Variants in AEBP2 observed in about 807,000 individuals in gnomAD.
The protein encoded by AEBP2 is AE binding protein 2.
AEBP2 carries 10 observed loss-of-function variants against 50.8 expected under a neutral mutation model. The ratio of observed to expected loss-of-function variants is 0.20; its 90% CI spans 0.12 to 0.33. AEBP2 has a LOEUF of 0.33. Among genes scored for constraint, AEBP2 ranks in the 10% least tolerant of loss-of-function variants. The pLI, the probability that AEBP2 is intolerant of heterozygous loss-of-function variation, is 1.00. For synonymous variants in AEBP2, 296 were observed against 261.3 expected, an observed-to-expected ratio of 1.13 and a Z score of -1.28; for missense variants, 570 against 688.0, an observed-to-expected ratio of 0.83 and a Z score of 1.92.
intron 1 of AEBP2, among the ~76,000 whole-genome samples, chr12:19,415,668 A>C (rs11044547): frequency 0.019 from 2,832 of 147,134 alleles, 33 homozygotes; most frequent in East Asian, 0.041. Context: ...ATACAATACA[A>C]TACAATACAA....
At chr12:19,424,506 C>G (rs918507268) in intron 1 of AEBP2, among the ~76,000 whole-genome samples, 3 of 152,098 alleles carry the variant, frequency 2.0e-5, no homozygotes, top group Admixed American at 6.5e-5. Context: ...ACGCCACTCT[C>G]CTGCCTCAGC....
At chr12:19,429,916 T>A (rs1054189937) in intron 1 of AEBP2, among the ~76,000 whole-genome samples, 9 of 151,912 alleles carry the variant, frequency 5.9e-5, no homozygotes, top group African/African-American at 2.2e-4. Flanking sequence ...TTTTCTCCCA[T>A]TCTGTAGGTT....
intron 1 of AEBP2, among the ~76,000 whole-genome samples, chr12:19,411,208 CTCTGT>C (rs1348129327): frequency 6.6e-6 from 1 of 152,202 alleles, no homozygotes; most frequent in African/African-American, 2.4e-5. Flanking sequence ...AATTATTTAA[CTCTGT>C]AAAACAAACA....
chr12:19,413,605 A>C, intron 1 of AEBP2: 5 of 544,044 alleles, frequency 9.2e-6, no homozygotes, highest in Non-Finnish European at 1.7e-5. Flanking sequence ...AAATAAAAGA[A>C]TGGCTATTCC....
At chr12:19,496,515 A>G (rs1948984557) in intron 4 of AEBP2, among the ~76,000 whole-genome samples, 2 of 152,176 alleles carry the variant, frequency 1.3e-5, no homozygotes, top group South Asian at 4.1e-4. Flanking sequence ...TTAAAAGCAT[A>G]CATATCTGTA....
Position 19,491,014 on chromosome 12 carries a change from G to A in AEBP2, c.988-2786G>A, listed in dbSNP as rs117138725. 7.8e-3 allele frequency among the ~76,000 whole-genome samples: 1,186 copies of A among 152,248 alleles called. 11 individuals are homozygous for A. Among genetic ancestry groups the A allele is most frequent in the Non-Finnish European group, 0.014 (968 of 68,020 alleles). ...ATAATATTAATTTAAATGAAATAAA[G>A]TTAAAAATTCATTTACTCAGTTACA... On this transcript the variant is annotated intron_variant, in intron 3 of 7. Coordinates refer to ENST00000266508, the MANE Select transcript of AEBP2 (RefSeq NM_153207.5).
At chr12:19,422,971 A>G (rs1016546495) in intron 1 of AEBP2, among the ~76,000 whole-genome samples, 3 of 146,528 alleles carry the variant, frequency 2.0e-5, no homozygotes, top group African/African-American at 7.5e-5. Flanking sequence ...AGGCTGAGGC[A>G]GGACAATCAC....
At chr12:19,472,375 C>T (rs1463774952) in intron 2 of AEBP2, among the ~76,000 whole-genome samples, 1 of 152,054 alleles carries the variant, frequency 6.6e-6, no homozygotes, top group African/African-American at 2.4e-5. Flanking sequence ...TGTTGGGAAG[C>T]AGTTTTCAGT....
intron 1 of AEBP2, among the ~76,000 whole-genome samples, chr12:19,415,703 A>ATACAG (rs2095742190): frequency 6.6e-6 from 1 of 151,656 alleles, no homozygotes; most frequent in African/African-American, 2.4e-5. Flanking sequence ...ATACAATACA[A>ATACAG]TACAATACAA....
chr12:19,416,622 CTT>C (rs527414094), intron 1 of AEBP2, among the ~76,000 whole-genome samples: 7 of 126,410 alleles, frequency 5.5e-5, no homozygotes, highest in Non-Finnish European at 5.1e-5. Context: ...CCAGGCTGGT[CTT>C]TTTTTTTTTT....
intron 1 of AEBP2, chr12:19,413,590 A>C: frequency 1.7e-6 from 1 of 597,116 alleles, no homozygotes; most frequent in Admixed American, 3.0e-5. Context: ...AAAATAAAAA[A>C]AAAGAAATAA....
intron 1 of AEBP2, among the ~76,000 whole-genome samples, chr12:19,448,086 A>G (rs561278525): frequency 1.1e-4 from 16 of 152,110 alleles, no homozygotes; most frequent in Non-Finnish European, 2.4e-4. Context: ...TTATTTTTGA[A>G]AATGGAGACT....
At chr12:19,451,972 C>G (rs994961384) in intron 1 of AEBP2, among the ~76,000 whole-genome samples, 5 of 152,128 alleles carry the variant, frequency 3.3e-5, no homozygotes, top group African/African-American at 1.2e-4. Context: ...CTTCACTGCA[C>G]CTCTGCCTCT....
intron 4 of AEBP2, among the ~76,000 whole-genome samples, chr12:19,497,615 G>A (rs532452924): frequency 6.6e-6 from 1 of 151,962 alleles, no homozygotes; most frequent in East Asian, 1.9e-4. Flanking sequence ...TGGGACTACC[G>A]GCACACACTA....
intron 3 of AEBP2, among the ~76,000 whole-genome samples, chr12:19,481,317 C>T (rs375315197): frequency 1.3e-4 from 19 of 151,550 alleles, no homozygotes; most frequent in African/African-American, 3.1e-4. Flanking sequence ...TGGCCAGGCT[C>T]GTCTTGAACT....
chr12:19,509,902 G>A (rs1949209898), intron 5 of AEBP2, among the ~76,000 whole-genome samples: 1 of 135,450 alleles, frequency 7.4e-6, no homozygotes, highest in East Asian at 2.2e-4. Context: ...GCATGATCTC[G>A]GCTCACTGTA....
At chr12:19,450,222 C>T (rs1948142480) in intron 1 of AEBP2, among the ~76,000 whole-genome samples, 1 of 151,694 alleles carries the variant, frequency 6.6e-6, no homozygotes, top group Non-Finnish European at 1.5e-5. Flanking sequence ...ACCCCATTGC[C>T]CTGGGAAGGA....
At chr12:19,468,126 T>TTGTGTGTGTGTG (rs10643072) in intron 2 of AEBP2, among the ~76,000 whole-genome samples, 17,435 of 143,786 alleles carry the variant, frequency 0.12, 1,237 homozygotes, top group Middle Eastern at 0.21. Flanking sequence ...CTGCCTGACT[T>TTGTGTGTGTGTG]TGTGTGTGTG....
At chr12:19,479,071 T>C (rs1260304344) in intron 3 of AEBP2, among the ~76,000 whole-genome samples, 1 of 152,108 alleles carries the variant, frequency 6.6e-6, no homozygotes, top group Non-Finnish European at 1.5e-5. Context: ...TAGTTGAACA[T>C]GGTGGTGCAC....
Sources: allele counts gnomAD v4.1 joint callset (sites outside exome capture counted in the v4.1 genomes callset), GRCh38; gene constraint gnomAD v4.1.1; transcripts MANE v1.5; gene names NCBI Gene and HGNC (gene_info 2026-07-23, HGNC 2026-07-21).